The following NR6A1 variants were observed in gnomAD, a reference collection of about 807,000 sequenced individuals.
NR6A1 encodes retinoic acid receptor-related testis-associated receptor.
Under a neutral mutation model 59.1 loss-of-function variants are expected in NR6A1, and 7 were observed. That is an observed-to-expected ratio of 0.12 (90% CI 0.07 to 0.22). The LOEUF (loss-of-function observed/expected upper bound fraction) is 0.22. NR6A1 is among the 10% of genes least tolerant of loss of function. The pLI is 1.00. For synonymous variants in NR6A1, 243 were observed against 236.1 expected, an observed-to-expected ratio of 1.03 and a Z score of -0.27; for missense variants, 468 against 611.6, an observed-to-expected ratio of 0.77 and a Z score of 2.48.
intron 1 of NR6A1, among the ~76,000 whole-genome samples, chr9:124,749,752 C>A (rs1482715738): frequency 6.6e-6 from 1 of 152,156 alleles, no homozygotes; most frequent in Non-Finnish European, 1.5e-5. Flanking sequence ...TACTAGTATA[C>A]CCTGCCCCGC....
At chr9:124,680,250 CTG>C (rs1293721621) in intron 2 of NR6A1, among the ~76,000 whole-genome samples, 1 of 152,128 alleles carries the variant, frequency 6.6e-6, no homozygotes, top group Non-Finnish European at 1.5e-5. Context: ...CATCTGGACA[CTG>C]TTTGGCATGC....
intron 2 of NR6A1, among the ~76,000 whole-genome samples, chr9:124,582,972 C>T (rs772072958): frequency 2.0e-5 from 3 of 152,138 alleles, no homozygotes; most frequent in Non-Finnish European, 2.9e-5. Context: ...CGCCCTTCCC[C>T]CCCAAAGCAC....
intron 1 of NR6A1, among the ~76,000 whole-genome samples, chr9:124,754,800 G>A (rs1840593113): frequency 1.3e-5 from 2 of 152,102 alleles, no homozygotes; most frequent in Admixed American, 6.6e-5. Context: ...ATTACTTACA[G>A]ATAAGGAAAT....
intron 2 of NR6A1, among the ~76,000 whole-genome samples, chr9:124,711,205 A>AAC (rs1353190976): frequency 6.7e-6 from 1 of 150,078 alleles, no homozygotes; most frequent in Non-Finnish European, 1.5e-5. Context: ...AAAAAAAAAA[A>AAC]AAAAAAAAAA....
chr9:124,673,830 T>C (rs1837871841), intron 2 of NR6A1, among the ~76,000 whole-genome samples: 1 of 152,166 alleles, frequency 6.6e-6, no homozygotes, highest in Non-Finnish European at 1.5e-5. Flanking sequence ...GGGCAATAAT[T>C]AATCAACAAA....
At chr9:124,752,246 G>T (rs537005918) in intron 1 of NR6A1, among the ~76,000 whole-genome samples, 24 of 152,192 alleles carry the variant, frequency 1.6e-4, no homozygotes, top group African/African-American at 5.8e-4. Flanking sequence ...TCCAGCCTGG[G>T]CAACAGAGCA....
At chr9:124,708,576 T>C (rs1839195958) in intron 2 of NR6A1, among the ~76,000 whole-genome samples, 1 of 152,108 alleles carries the variant, frequency 6.6e-6, no homozygotes. Flanking sequence ...AAGGCAGAGG[T>C]ATAAACTCAT....
At chr9:124,738,117 G>A (rs1564261059) in intron 1 of NR6A1, among the ~76,000 whole-genome samples, 3 of 152,116 alleles carry the variant, frequency 2.0e-5, no homozygotes, top group Non-Finnish European at 4.4e-5. Flanking sequence ...AGTCTGGCGT[G>A]GTGGTGCACA....
intron 2 of NR6A1, among the ~76,000 whole-genome samples, chr9:124,684,930 G>T (rs538389668): frequency 6.6e-6 from 1 of 152,002 alleles, no homozygotes; most frequent in Non-Finnish European, 1.5e-5. Flanking sequence ...GACTCATCAG[G>T]CAGATTTTGA....
intron 2 of NR6A1, among the ~76,000 whole-genome samples, chr9:124,728,199 T>G (rs1279035192): frequency 2.0e-5 from 3 of 151,448 alleles, no homozygotes; most frequent in Non-Finnish European, 4.4e-5. Context: ...GCTAATTTTT[T>G]TTTGTATTTT....
chr9:124,543,922 A>G, intron 3 of NR6A1, 65 bp from the exon 4 acceptor site: 1 of 1,444,224 alleles, frequency 6.9e-7, no homozygotes. Context: ...TAGCACAAAA[A>G]GAGAGTTTAC....
chr9:124,768,092 A>G (rs773401643), intron 1 of NR6A1, among the ~76,000 whole-genome samples: 14 of 152,302 alleles, frequency 9.2e-5, no homozygotes, highest in Non-Finnish European at 1.6e-4. Flanking sequence ...GCTAGAAAGA[A>G]ACTCTGTTCT....
chr9:124,579,319 A>C (rs887971213), intron 2 of NR6A1, among the ~76,000 whole-genome samples: 1 of 152,074 alleles, frequency 6.6e-6, no homozygotes, highest in Non-Finnish European at 1.5e-5. Flanking sequence ...TGGGAGGCTT[A>C]GGTGGAGGAT....
chr9:124,682,664 A>T (rs1410698516), intron 2 of NR6A1, among the ~76,000 whole-genome samples: 1 of 151,982 alleles, frequency 6.6e-6, no homozygotes, highest in Non-Finnish European at 1.5e-5. Context: ...AATACTTTTA[A>T]GTTTCTCTGT....
chr9:124,741,934 T>C (rs1462669531), intron 1 of NR6A1, among the ~76,000 whole-genome samples: 2 of 152,094 alleles, frequency 1.3e-5, no homozygotes, highest in Non-Finnish European at 2.9e-5. Context: ...GCAGCAATCA[T>C]GGAGCCAGGA....
intron 9 of NR6A1, among the ~76,000 whole-genome samples, chr9:124,523,518 AT>A (rs11314511): frequency 0.079 from 11,264 of 142,830 alleles, 675 homozygotes; most frequent in African/African-American, 0.17. Flanking sequence ...TCAAACATTG[AT>A]TTTTTTTTTT....
At chr9:124,648,318 C>T (rs758191070) in intron 2 of NR6A1, among the ~76,000 whole-genome samples, 3 of 151,928 alleles carry the variant, frequency 2.0e-5, no homozygotes, top group African/African-American at 4.8e-5. Context: ...GGCAACATAG[C>T]GAGACCCCAT....
At chr9:124,746,184 T>C (rs1442727231) in intron 1 of NR6A1, among the ~76,000 whole-genome samples, 1 of 152,134 alleles carries the variant, frequency 6.6e-6, no homozygotes, top group Non-Finnish European at 1.5e-5. Flanking sequence ...CTCAGTACTA[T>C]CTCCCACGTC....
intron 2 of NR6A1, among the ~76,000 whole-genome samples, chr9:124,593,406 A>AGAGAAAAAGGGAGG (rs1252355849): frequency 3.3e-5 from 5 of 152,324 alleles, no homozygotes; most frequent in African/African-American, 1.2e-4. Flanking sequence ...ATAAAAAAGA[A>AGAGAAAAAGGGAGG]GAGAAAAAGG....
Sources: allele counts gnomAD v4.1 joint callset (sites outside exome capture counted in the v4.1 genomes callset), GRCh38; gene constraint gnomAD v4.1.1; transcripts MANE v1.5; gene names NCBI Gene and HGNC (gene_info 2026-07-23, HGNC 2026-07-21).